The following CLEC10A variants were observed in gnomAD, a reference collection of about 807,000 sequenced individuals.
CLEC10A encodes the protein C-type lectin domain family 10 member A.
In CLEC10A, 38 loss-of-function variants were observed where a neutral mutation model predicts 42.0. That is an observed-to-expected ratio of 0.90 (90% confidence interval 0.70 to 1.18). The LOEUF (loss-of-function observed/expected upper bound fraction) is 1.18. Ranked by LOEUF, CLEC10A falls within the 50% of genes most tolerant of loss-of-function variation. The pLI, the probability that CLEC10A is intolerant of heterozygous loss-of-function variation, is 0.00. For synonymous variants in CLEC10A, 126 were observed against 139.9 expected (o/e 0.90, Z 0.70); for missense variants, 298 against 345.9 (o/e 0.86, Z 1.10).
At chr17:7,079,366 T>G (rs536823206) in intron 1 of CLEC10A, among the ~76,000 whole-genome samples, 1 of 152,174 alleles carries the variant, frequency 6.6e-6, no homozygotes, top group South Asian at 2.1e-4. Flanking sequence ...ACAGATCACT[T>G]TAGGTCAGGA....
intron 3 of CLEC10A, among the ~76,000 whole-genome samples, chr17:7,077,501 CCATTCCCATCAATCACCCCATCAG>C (rs1911869758): frequency 9.0e-6 from 1 of 110,848 alleles, no homozygotes; most frequent in East Asian, 3.1e-4. Context: ...ACCCCCACCA[CCATTCCCATCAATCACCCCATCAG>C]TGACCCCCCA....
At chr17:7,075,961 A>G (rs181487113) in intron 6 of CLEC10A, 24 bp downstream of exon 6, 22,258 of 1,613,752 alleles carry the variant, frequency 0.014, 183 homozygotes, top group Non-Finnish European at 0.016. Flanking sequence ...AAGTAGGGCC[A>G]GGTACTCCCC....
intron 5 of CLEC10A, 136 bp from the exon 6 acceptor site, chr17:7,076,207 T>A: frequency 6.8e-7 from 1 of 1,466,108 alleles, no homozygotes; most frequent in Non-Finnish European, 9.1e-7. Context: ...ACCCCCTACA[T>A]CATGGCCAGG....
In CLEC10A at chr17:7,074,582, CGA is replaced by C. The variant is rs1555574562; in HGVS notation, c.*470_*471del. The C allele has an allele frequency of 2.0e-5, 3 of 152,676 alleles. No homozygotes were observed. The highest frequency in any genetic ancestry group is 4.4e-5 in the Non-Finnish European group (3 of 68,402). The allele number at this position is 152,676 out of a possible 1,614,324, so 9.5% of individuals were successfully genotyped here. ...TATTCACTTATATGAAGTATATACA[CGA>C]GAGTGTATGATTTCACTTATATGAA... On this transcript the variant is annotated 3_prime_UTR_variant, in exon 9 of 9. Transcript: ENST00000416562.
intron 3 of CLEC10A, among the ~76,000 whole-genome samples, chr17:7,077,612 CCA>C: frequency 8.9e-6 from 1 of 112,672 alleles, no homozygotes; most frequent in Non-Finnish European, 1.8e-5. Context: ...CCAACCATTC[CCA>C]TCAATCACTC....
At chr17:7,077,440 C>A (rs1370342340) in intron 3 of CLEC10A, among the ~76,000 whole-genome samples, 1 of 131,002 alleles carries the variant, frequency 7.6e-6, no homozygotes, top group African/African-American at 2.8e-5. Flanking sequence ...CCATTCCCAT[C>A]GATCACTGCA....
At chr17:7,077,039 C>T (rs1483380766) in intron 3 of CLEC10A, 52 bp from the exon 4 acceptor site, 9 of 1,310,890 alleles carry the variant, frequency 6.9e-6, no homozygotes, top group Non-Finnish European at 9.9e-6. Context: ...GTCCTCTGTA[C>T]CAGCACCGAG....
Position 7,078,776 on chromosome 17 carries a change from TCTC to T in CLEC10A, c.34_36del (p.Glu12del), listed in dbSNP as rs1362733889. 1 of 1,614,104 alleles carries T rather than the reference TCTC, an allele frequency of 6.2e-7. No homozygotes were observed. The highest frequency in any genetic ancestry group is 8.5e-7 in the Non-Finnish European group (1 of 1,180,050). On this transcript the variant is annotated inframe_deletion, in exon 2 of 9. Transcript: ENST00000416562. ...TTAAACCCCTGGACTTTCACCTTAT[TCTC>T]CAAGTACTGGAAGTTTTCATACGTC...
chr17:7,076,619 T>C, intron 5 of CLEC10A, 114 bp downstream of exon 5: 1 of 1,223,560 alleles, frequency 8.2e-7, no homozygotes, highest in Admixed American at 1.7e-5. Flanking sequence ...GCCTGCATGC[T>C]GCCTTTCAAG....
intron 2 of CLEC10A, chr17:7,078,342 G>A (rs564867931): frequency 2.1e-5 from 11 of 524,926 alleles, no homozygotes; most frequent in Admixed American, 6.3e-5. Context: ...ACGTGATAGC[G>A]ATATGAGGGG....
chr17:7,075,660 G>C (rs768972842), intron 7 of CLEC10A, 71 bp downstream of exon 7: 8 of 1,607,598 alleles, frequency 5.0e-6, no homozygotes, highest in Non-Finnish European at 6.8e-6. Context: ...TGATTCCAAT[G>C]TGCGGCCAAG....
At chr17:7,078,256 G>A in intron 2 of CLEC10A, 143 bp from the exon 3 acceptor site, 1 of 609,226 alleles carries the variant, frequency 1.6e-6, no homozygotes, top group East Asian at 2.8e-5. Flanking sequence ...TTTGGGGTGG[G>A]GGATGCCCAG....
At position 7,077,764 on chromosome 17, in the gene CLEC10A, T is replaced by C. The variant is rs113571056; in HGVS notation, c.184+233A>G. Among the ~76,000 whole-genome samples, 1,914 of 150,554 alleles carry C rather than the reference T, an allele frequency of 0.013. 30 individuals carry two copies. Among genetic ancestry groups the C allele is most frequent in the African/African-American group, 0.045 (1,825 of 40,660 alleles). On this transcript the variant is annotated intron_variant, in intron 3 of 8. Transcript: ENST00000416562. ...CCTCTCCTCCATTCCCATCAATCAC[T>C]CCATCAGTGCCCCATCAGTGCTTCA... is the stretch of plus-strand genomic sequence containing the variant.
chr17:7,077,782 G>GTGCCCTCTCCTCCATTCCCATCAATCAC (rs1911932077), intron 3 of CLEC10A, among the ~76,000 whole-genome samples: 1 of 46,020 alleles, frequency 2.2e-5, no homozygotes, highest in Non-Finnish European at 4.4e-5. Context: ...TGCCCCATCA[G>GTGCCCTCTCCTCCATTCCCATCAATCAC]TGCTTCAGTG....
rs984027324 is a variant in CLEC10A, at chr17:7,078,375, A to G, written c.68-262T>C. 5.9e-6 allele frequency: 3 copies of G among 506,942 alleles called. No individual in the cohort carries two copies. The Admixed American group carries it at 9.7e-5, about 16-fold the overall frequency. 31.4% of individuals were successfully genotyped at this position (506,942 alleles called of 1,614,324 possible). A position where few individuals can be genotyped will look rare whatever the true frequency, so the allele number is the denominator to read the frequency against. ...GGGTCCCATGGTCAGAGCTGGGGGC[A>G]GGGGCAGGAGGACACAGGGAGAGCT... On this transcript the variant is annotated intron_variant, in intron 2 of 8. Transcript: ENST00000416562.
chr17:7,075,293 T>C, intron 8 of CLEC10A, 67 bp downstream of exon 8: 7 of 1,507,806 alleles, frequency 4.6e-6, no homozygotes, highest in Non-Finnish European at 6.2e-6. Flanking sequence ...GAGGAGAGGC[T>C]GCCAGTCAGA....
rs745564335 is a variant in CLEC10A at position 7,076,778 on chromosome 17, A to G, written c.307T>C (p.Ser103Pro). ...AAACCCTCCACCTCAGCTTTCAGAG[A>G]TGCTATCGTTTCTTCCAAGCTGCTG... ...QGSSLEETIA[S>P]LKAEVEGFKQ... Residue 103 changes from serine (S) to proline (P), a missense_variant, in exon 5 of 9, where the codon TCT becomes CCT. Around this residue, in one of 3 missense-constraint regions of CLEC10A, gnomAD observed 267 missense variants for 289.5 expected, o/e 0.92. Transcript: ENST00000416562. 1.2e-6 allele frequency: 2 copies of G among 1,613,554 alleles called. No individual in the cohort carries two copies.
In CLEC10A at chr17:7,076,938, G is replaced by A. The variant is rs752793249; in HGVS notation, c.234C>T (p.Asn78=). 5.0e-6 allele frequency: 8 copies of A among 1,613,990 alleles called. No homozygotes were observed. The highest frequency in any genetic ancestry group is 5.9e-6 in the Non-Finnish European group (7 of 1,179,988). Residue 78 remains asparagine, a synonymous_variant, in exon 4 of 9, where the codon AAC becomes AAT. Coordinates refer to ENST00000416562, the MANE Select transcript of CLEC10A (RefSeq NM_001330070.2). ...TCTCCGCCACAGTGTTTGAGGTGAAGTTGCTAAAATCTGTTCTCAGGGTCA... is the reference window on the plus strand; with the variant it reads ...TCTCCGCCACAGTGTTTGAGGTGAAATTGCTAAAATCTGTTCTCAGGGTCA... ...DLVTLRTDFS[N]FTSNTVAEIQ...
At chr17:7,078,712 G>A (rs1418596724) in intron 2 of CLEC10A, 34 bp downstream of exon 2, 1 of 1,587,126 alleles carries the variant, frequency 6.3e-7, no homozygotes, top group Admixed American at 1.7e-5. Context: ...CATATAAAGA[G>A]GGCATTTTAG....
Sources: gnomAD v4.1 joint callset for allele counts (sites outside exome capture counted in the v4.1 genomes callset) on GRCh38, gnomAD v4.1.1 for gene constraint, gnomAD v4.1.1 regional missense constraint, MANE v1.5 for transcripts, NCBI Gene and HGNC (gene_info 2026-07-23, HGNC 2026-07-21) for gene names.